Variants in CPQ observed in about 807,000 individuals in gnomAD.
CPQ encodes the protein Ser-Met dipeptidase.
A neutral mutation model predicts 45.7 loss-of-function variants in CPQ; 37 were observed. That is an observed-to-expected ratio of 0.81 (90% CI 0.62 to 1.07). The LOEUF (loss-of-function observed/expected upper bound fraction) is 1.07. Ranked by LOEUF, CPQ falls within the 50% of genes least tolerant of loss-of-function variation. CPQ has a pLI of 0.00. For synonymous variants in CPQ, 186 were observed against 205.8 expected (o/e 0.90, Z 0.82); for missense variants, 537 against 572.9 (o/e 0.94, Z 0.64).
At chr8:96,947,405 CCTA>C (rs57118990) in intron 4 of CPQ, among the ~76,000 whole-genome samples, 2,035 of 152,174 alleles carry the variant, frequency 0.013, 54 homozygotes, top group African/African-American at 0.047. Context: ...CCCATTGTCT[CCTA>C]CTATTGGTCT....
intron 5 of CPQ, among the ~76,000 whole-genome samples, chr8:96,986,464 T>C (rs1047719403): frequency 1.3e-5 from 2 of 151,334 alleles, no homozygotes; most frequent in Admixed American, 1.3e-4. Context: ...TTTATACGGA[T>C]TTTTTTTTGC....
At chr8:97,103,476 A>G (rs949235131) in intron 7 of CPQ, among the ~76,000 whole-genome samples, 1 of 152,156 alleles carries the variant, frequency 6.6e-6, no homozygotes, top group Non-Finnish European at 1.5e-5. Flanking sequence ...TCTTATCTCT[A>G]CTTGCTCAGA....
intron 1 of CPQ, among the ~76,000 whole-genome samples, chr8:96,660,564 G>A (rs1190783060): frequency 6.6e-6 from 1 of 152,002 alleles, no homozygotes; most frequent in African/African-American, 2.4e-5. Flanking sequence ...AGAAAATACT[G>A]ATTTGGGGGT....
At chr8:96,830,543 TATA>T (rs1303920369) in intron 2 of CPQ, among the ~76,000 whole-genome samples, 8 of 152,164 alleles carry the variant, frequency 5.3e-5, no homozygotes, top group Non-Finnish European at 1.2e-4. Context: ...TGAGGATTTT[TATA>T]ATATTTTTGT....
Position 96,662,752 on chromosome 8 carries a change from G to A in CPQ, c.-35+17350G>A, listed in dbSNP as rs144436901. ...CTCATGCATACAATCCCAGCACTTT[G>A]AGTGGCAGGCAGATCGCTTGAGCCC... On this transcript the variant is annotated intron_variant, in intron 1 of 7. Transcript: ENST00000220763. 1.8e-3 allele frequency among the ~76,000 whole-genome samples: 274 copies of A among 152,256 alleles called. 2 individuals carry two copies. The highest frequency in any genetic ancestry group is 6.2e-3 in the African/African-American group (256 of 41,562).
At chr8:97,041,798 C>T (rs1202112594) in intron 6 of CPQ, among the ~76,000 whole-genome samples, 22 of 135,114 alleles carry the variant, frequency 1.6e-4, no homozygotes, top group African/African-American at 5.5e-4. Flanking sequence ...TATAGATTTG[C>T]GTATATTGAA....
chr8:97,097,509 T>G (rs1374773300), intron 7 of CPQ, among the ~76,000 whole-genome samples: 2 of 152,226 alleles, frequency 1.3e-5, no homozygotes, highest in African/African-American at 4.8e-5. Flanking sequence ...CTGTCAAGAA[T>G]AAGAAGCTTA....
At chr8:96,813,495 C>T (rs1006002204) in intron 2 of CPQ, among the ~76,000 whole-genome samples, 14 of 152,116 alleles carry the variant, frequency 9.2e-5, no homozygotes, top group African/African-American at 3.4e-4. Context: ...TAGATCAGAA[C>T]ATATTCTGTG....
chr8:96,659,879 C>A (rs144676705), intron 1 of CPQ, among the ~76,000 whole-genome samples: 1 of 152,198 alleles, frequency 6.6e-6, no homozygotes, highest in South Asian at 2.1e-4. Flanking sequence ...ACTCTTGACT[C>A]GGCCATGCAG....
chr8:97,040,646 G>A (rs1035663667), intron 6 of CPQ, among the ~76,000 whole-genome samples: 3 of 152,172 alleles, frequency 2.0e-5, no homozygotes, highest in Admixed American at 2.0e-4. Context: ...AATCCATCTT[G>A]AATTAATTTT....
intron 4 of CPQ, among the ~76,000 whole-genome samples, chr8:96,932,015 C>A (rs1812981709): frequency 6.6e-6 from 1 of 152,072 alleles, no homozygotes; most frequent in South Asian, 2.1e-4. Flanking sequence ...TCCAATGTTC[C>A]TTTCTTTTTA....
intron 1 of CPQ, among the ~76,000 whole-genome samples, chr8:96,662,240 T>C (rs1006167945): frequency 6.6e-6 from 1 of 152,226 alleles, no homozygotes; most frequent in East Asian, 1.9e-4. Flanking sequence ...CATTATTTTT[T>C]TCTTGAATTA....
intron 1 of CPQ, among the ~76,000 whole-genome samples, chr8:96,658,436 C>G (rs1815661833): frequency 2.6e-5 from 4 of 152,180 alleles, no homozygotes; most frequent in African/African-American, 9.7e-5. Flanking sequence ...ATTTCTTCAT[C>G]CATAAAATTG....
intron 2 of CPQ, among the ~76,000 whole-genome samples, chr8:96,817,828 T>C (rs1161815537): frequency 6.6e-6 from 1 of 152,080 alleles, no homozygotes; most frequent in Non-Finnish European, 1.5e-5. Flanking sequence ...TTGCCCAAGC[T>C]GGTCTCCAAC....
chr8:96,742,615 G>A (rs1213343789), intron 1 of CPQ, among the ~76,000 whole-genome samples: 11 of 152,034 alleles, frequency 7.2e-5, no homozygotes, highest in Non-Finnish European at 1.3e-4. Flanking sequence ...GGCTGGTACC[G>A]GTTGTTCCTT....
intron 4 of CPQ, among the ~76,000 whole-genome samples, chr8:96,950,000 G>T (rs937983016): frequency 6.6e-6 from 1 of 152,042 alleles, no homozygotes; most frequent in Non-Finnish European, 1.5e-5. Flanking sequence ...TTTTATAATG[G>T]TGTGAATTTG....
rs182522771 is a variant in CPQ at position 96,807,266 on chromosome 8, C to T, written c.433+21936C>T. Among the ~76,000 whole-genome samples the T allele has an allele frequency of 5.6e-3, 850 of 152,004 alleles. 8 individuals are homozygous for T. The highest frequency in any genetic ancestry group is 0.01 in the Middle Eastern group (3 of 294). ...TTTTTTATTTTTTGAGACGGAGTCTCGCTCTGTCTCCCAGGCTGGAGTGCA... is the reference window on the plus strand; with the variant it reads ...TTTTTTATTTTTTGAGACGGAGTCTTGCTCTGTCTCCCAGGCTGGAGTGCA... On this transcript the variant is annotated intron_variant, in intron 2 of 7. Coordinates refer to ENST00000220763, the MANE Select transcript of CPQ (RefSeq NM_016134.4).
intron 2 of CPQ, among the ~76,000 whole-genome samples, chr8:96,833,918 A>G (rs949434124): frequency 1.3e-5 from 2 of 152,230 alleles, no homozygotes; most frequent in African/African-American, 4.8e-5. Flanking sequence ...AACATTTGTT[A>G]AGCTTTCAGA....
At chr8:96,924,808 G>A (rs1812851937) in intron 4 of CPQ, among the ~76,000 whole-genome samples, 1 of 152,158 alleles carries the variant, frequency 6.6e-6, no homozygotes, top group South Asian at 2.1e-4. Context: ...AACTTCTGTG[G>A]ATATTAATAC....
Sources: allele counts gnomAD v4.1 joint callset (sites outside exome capture counted in the v4.1 genomes callset), GRCh38; gene constraint gnomAD v4.1.1; transcripts MANE v1.5; gene names NCBI Gene and HGNC (gene_info 2026-07-23, HGNC 2026-07-21).